Variants in SUSD1 observed in about 807,000 individuals in gnomAD.
The protein encoded by SUSD1 is sushi domain containing 1.
SUSD1 carries 65 observed loss-of-function variants against 86.9 expected under a neutral mutation model. The ratio of observed to expected loss-of-function variants is 0.75; its 90% CI spans 0.61 to 0.92. The LOEUF is 0.92. Among genes scored for constraint, SUSD1 ranks in the 40% least tolerant of loss-of-function variants. The pLI is 0.00. For synonymous variants in SUSD1, 346 were observed against 350.0 expected (o/e 0.99, Z 0.13); for missense variants, 850 against 929.7 (o/e 0.91, Z 1.11).
intron 5 of SUSD1, among the ~76,000 whole-genome samples, chr9:112,141,930 A>G (rs542253265): frequency 3.0e-4 from 23 of 76,642 alleles, no homozygotes; most frequent in Middle Eastern, 5.1e-3. Flanking sequence ...TTCTGGGAAT[A>G]TATATATATA....
chr9:112,088,683 T>C (rs114283576), intron 10 of SUSD1, among the ~76,000 whole-genome samples: 7,354 of 152,212 alleles, frequency 0.048, 579 homozygotes, highest in African/African-American at 0.17. Context: ...CCCCAGCTAT[T>C]TGGGAGGCTG....
At chr9:112,087,654 T>C (rs1460819295) in intron 10 of SUSD1, among the ~76,000 whole-genome samples, 4 of 151,838 alleles carry the variant, frequency 2.6e-5, no homozygotes, top group Admixed American at 6.6e-5. Context: ...TGAAGAAATA[T>C]AGGAAAACAA....
intron 5 of SUSD1, among the ~76,000 whole-genome samples, chr9:112,136,354 A>C (rs781957): frequency 0.46 from 70,240 of 151,884 alleles, 17,031 homozygotes; most frequent in African/African-American, 0.62. Flanking sequence ...CCACCTCAGC[A>C]TCCTGAGCAG....
At position 112,073,892 on chromosome 9, in the gene SUSD1, G is replaced by T. The variant is rs115981119; in HGVS notation, c.1753+4646C>A. 9.0e-3 allele frequency among the ~76,000 whole-genome samples: 1,361 copies of T among 151,898 alleles called. 26 individuals carry two copies. Among genetic ancestry groups the T allele is most frequent in the African/African-American group, 0.031 (1,291 of 41,426 alleles). On this transcript the variant is annotated intron_variant, in intron 12 of 16. Coordinates refer to ENST00000374270, the MANE Select transcript of SUSD1 (RefSeq NM_022486.5). The stretch of plus-strand genomic sequence containing the variant: ...AGAGCAAGCCTGGGCAACAGAGCAA[G>T]ACTGTCTCAAAAAAAGAAAGGGAAA...
chr9:112,163,284 T>C (rs1396475579), intron 1 of SUSD1, among the ~76,000 whole-genome samples: 1 of 151,666 alleles, frequency 6.6e-6, no homozygotes, highest in Non-Finnish European at 1.5e-5. Context: ...GCCTCCAGAG[T>C]AGTTAGGACA....
intron 10 of SUSD1, among the ~76,000 whole-genome samples, chr9:112,081,705 C>T (rs891871347): frequency 1.3e-5 from 2 of 152,118 alleles, no homozygotes; most frequent in Admixed American, 6.5e-5. Context: ...ACATCCTATG[C>T]CAAATTTGCT....
chr9:112,156,666 C>T (rs140840746), intron 2 of SUSD1, among the ~76,000 whole-genome samples: 1 of 152,120 alleles, frequency 6.6e-6, no homozygotes, highest in African/African-American at 2.4e-5. Flanking sequence ...CCACCTCAGC[C>T]TCCAGAATAG....
chr9:112,161,376 T>C (rs536154470), intron 1 of SUSD1, among the ~76,000 whole-genome samples: 2 of 108,574 alleles, frequency 1.8e-5, no homozygotes, highest in South Asian at 3.0e-4. Flanking sequence ...TAAGACTTCA[T>C]CTCAAAAAAA....
intron 6 of SUSD1, among the ~76,000 whole-genome samples, chr9:112,120,162 C>T (rs1416460208): frequency 6.6e-6 from 1 of 152,062 alleles, no homozygotes; most frequent in Non-Finnish European, 1.5e-5. Context: ...TAAAATTTAG[C>T]CATGCGTGGT....
At chr9:112,053,513 C>A (rs1471703712) in intron 14 of SUSD1, among the ~76,000 whole-genome samples, 350 of 77,580 alleles carry the variant, frequency 4.5e-3, no homozygotes, top group East Asian at 0.012. Context: ...GACTTCGTCT[C>A]AAAAAAAAAA....
intron 5 of SUSD1, among the ~76,000 whole-genome samples, chr9:112,135,332 T>C (rs966593612): frequency 2.6e-5 from 4 of 152,236 alleles, no homozygotes; most frequent in African/African-American, 9.6e-5. Context: ...AAAGCTCACT[T>C]GGAGGAAAAA....
intron 11 of SUSD1, 75 bp downstream of exon 11, chr9:112,079,999 T>C: frequency 9.6e-7 from 1 of 1,038,256 alleles, no homozygotes; most frequent in East Asian, 2.4e-5. Flanking sequence ...GATGTAGATT[T>C]TTAGGTTTGT....
At position 112,073,808 on chromosome 9, in the gene SUSD1, G is replaced by A. The variant is rs768963866; in HGVS notation, c.1753+4730C>T. ...CTTGGGAGGTCGGGGCATGAGAATC[G>A]CTTGAACCTGGGAGGCAGAGGTTGC... On this transcript the variant is annotated intron_variant, in intron 12 of 16. Transcript: ENST00000374270. Among the ~76,000 whole-genome samples, 35 of 152,110 alleles carry A rather than the reference G, an allele frequency of 2.3e-4. 3 individuals are homozygous for A. The Middle Eastern group carries it at 0.017, about 74-fold the overall frequency.
chr9:112,068,286 A>G (rs1829081681), intron 12 of SUSD1, among the ~76,000 whole-genome samples: 1 of 152,222 alleles, frequency 6.6e-6, no homozygotes, highest in Non-Finnish European at 1.5e-5. Context: ...AGGGAGGGAT[A>G]GAACTACATG....
At chr9:112,115,649 A>C (rs1222610440) in intron 6 of SUSD1, among the ~76,000 whole-genome samples, 3 of 151,940 alleles carry the variant, frequency 2.0e-5, no homozygotes, top group Non-Finnish European at 1.5e-5. Flanking sequence ...TCTACTAAAA[A>C]TACAAAAAAA....
At chr9:112,145,031 C>T (rs755968273) in intron 3 of SUSD1, among the ~76,000 whole-genome samples, 6 of 152,092 alleles carry the variant, frequency 3.9e-5, no homozygotes, top group South Asian at 4.2e-4. Flanking sequence ...GCTTTAAGTC[C>T]GGGAGTTCAA....
At chr9:112,090,684 A>G (rs1830168418) in intron 10 of SUSD1, among the ~76,000 whole-genome samples, 1 of 152,232 alleles carries the variant, frequency 6.6e-6, no homozygotes, top group South Asian at 2.1e-4. Flanking sequence ...GGGATATATT[A>G]CAGGAAGGGG....
intron 1 of SUSD1, chr9:112,173,863 G>A (rs925247091): frequency 1.7e-5 from 5 of 297,078 alleles, no homozygotes; most frequent in Non-Finnish European, 2.7e-5. Flanking sequence ...AGGAACTTGG[G>A]GTCCACCCCT....
At chr9:112,156,888 C>T (rs763720898) in intron 2 of SUSD1, among the ~76,000 whole-genome samples, 2 of 152,194 alleles carry the variant, frequency 1.3e-5, no homozygotes, top group Admixed American at 6.5e-5. Flanking sequence ...TTGTGAAAGT[C>T]TCCCTCTCTC....
Sources: gnomAD v4.1 joint callset for allele counts (sites outside exome capture counted in the v4.1 genomes callset) on GRCh38, gnomAD v4.1.1 for gene constraint, MANE v1.5 for transcripts, NCBI Gene and HGNC (gene_info 2026-07-23, HGNC 2026-07-21) for gene names.